The following PTPRG variants were observed in gnomAD, a reference collection of about 807,000 sequenced individuals.
PTPRG encodes protein tyrosine phosphatase receptor type G, also known as receptor-type tyrosine-protein phosphatase gamma.
A neutral mutation model predicts 165.3 loss-of-function variants in PTPRG; 102 were observed. The ratio of observed to expected loss-of-function variants is 0.62; its 90% CI spans 0.53 to 0.73. The LOEUF (loss-of-function observed/expected upper bound fraction) is 0.73. PTPRG is among the 30% of genes least tolerant of loss of function. The probability of loss-of-function intolerance (pLI) is 0.00; values close to 1 mark genes in which losing one functional copy is unlikely to be tolerated. For synonymous variants in PTPRG, 675 were observed against 669.5 expected, an observed-to-expected ratio of 1.01 and a Z score of -0.13; for missense variants, 1,866 against 1,861.4, an observed-to-expected ratio of 1.00 and a Z score of -0.05.
At chr3:61,640,029 T>C (rs1343543316) in intron 1 of PTPRG, among the ~76,000 whole-genome samples, 1 of 152,226 alleles carries the variant, frequency 6.6e-6, no homozygotes, top group East Asian at 1.9e-4. Flanking sequence ...TGGAGTGGTA[T>C]ATACCTTTGA....
intron 2 of PTPRG, among the ~76,000 whole-genome samples, chr3:61,820,545 G>C (rs867793231): frequency 1.6e-4 from 23 of 146,526 alleles, no homozygotes; most frequent in African/African-American, 5.8e-4. Flanking sequence ...TTGACACACA[G>C]AAATACCCAT....
intron 5 of PTPRG, among the ~76,000 whole-genome samples, chr3:62,116,935 T>C (rs1402865975): frequency 6.6e-6 from 1 of 152,230 alleles, no homozygotes; most frequent in Non-Finnish European, 1.5e-5. Context: ...CTTGAGGAGC[T>C]AATGCACAGG....
At chr3:61,653,328 T>C (rs1314392348) in intron 1 of PTPRG, among the ~76,000 whole-genome samples, 1 of 152,222 alleles carries the variant, frequency 6.6e-6, no homozygotes, top group African/African-American at 2.4e-5. Context: ...CCCCTTTTTT[T>C]TTCCAGCATG....
chr3:61,925,690 C>A (rs985861908), intron 2 of PTPRG, among the ~76,000 whole-genome samples: 1 of 151,998 alleles, frequency 6.6e-6, no homozygotes, highest in Non-Finnish European at 1.5e-5. Context: ...TTGCAGTGAG[C>A]CAAGACTGTG....
In PTPRG at chr3:61,562,172, C is replaced by A. The variant is rs1006354367; in HGVS notation, c.-116C>A. On this transcript the variant is annotated 5_prime_UTR_variant, in exon 1 of 30. Coordinates refer to ENST00000474889, the MANE Select transcript of PTPRG (RefSeq NM_002841.4). ...CTCGGGCCGCCGAGCGCGGGGGGCC[C>A]GTGGAGCGGGCGAGCCGGGGAAGCG... 134 of 903,370 alleles carry A rather than the reference C, an allele frequency of 1.5e-4. No homozygotes were observed. The highest frequency in any genetic ancestry group is 2.2e-4 in the Non-Finnish European group (123 of 561,320). 56.0% of individuals were successfully genotyped at this position (903,370 alleles called of 1,614,324 possible).
intron 1 of PTPRG, among the ~76,000 whole-genome samples, chr3:61,605,285 T>C (rs2106857470): frequency 6.6e-6 from 1 of 152,334 alleles, no homozygotes; most frequent in African/African-American, 2.4e-5. Context: ...ATACAGAGTC[T>C]TGCTCTGTCA....
rs775603883 is a variant in PTPRG at position 62,154,354 on chromosome 3, G to A, written c.683-2713G>A. 5.9e-5 allele frequency among the ~76,000 whole-genome samples: 9 copies of A among 152,062 alleles called. 1 individual carries two copies. Among genetic ancestry groups the A allele is most frequent in the Admixed American group, 5.2e-4 (8 of 15,274 alleles). ...CCCTTGTACTGGGTCTACCCACCTCGCCACCGATCTGACTGCACGTGCTGA... is the reference window on the plus strand; with the variant it reads ...CCCTTGTACTGGGTCTACCCACCTCACCACCGATCTGACTGCACGTGCTGA... On this transcript the variant is annotated intron_variant, in intron 6 of 29. Coordinates refer to ENST00000474889, the MANE Select transcript of PTPRG (RefSeq NM_002841.4).
At chr3:62,028,351 A>G (rs939281795) in intron 4 of PTPRG, among the ~76,000 whole-genome samples, 1 of 152,196 alleles carries the variant, frequency 6.6e-6, no homozygotes, top group Non-Finnish European at 1.5e-5. Flanking sequence ...TGAATCTGTC[A>G]TATTCTAGGA....
At chr3:62,243,702 G>C (rs1473209880) in intron 14 of PTPRG, 105 bp from the exon 15 acceptor site, 1 of 711,328 alleles carries the variant, frequency 1.4e-6, no homozygotes. Flanking sequence ...CCTCAGTGCT[G>C]TGTGATGTTT....
chr3:61,684,249 T>C (rs1304693658), intron 1 of PTPRG, among the ~76,000 whole-genome samples: 2 of 152,170 alleles, frequency 1.3e-5, no homozygotes, highest in African/African-American at 4.8e-5. Flanking sequence ...TGGTGGGGGA[T>C]CTCACCTTTG....
chr3:62,238,052 A>C (rs1337005235), intron 14 of PTPRG, among the ~76,000 whole-genome samples: 1 of 152,372 alleles, frequency 6.6e-6, no homozygotes, highest in African/African-American at 2.4e-5. Flanking sequence ...GTCAAGCACC[A>C]GAAGCACTTC....
At chr3:61,730,187 C>T (rs1202918720) in intron 1 of PTPRG, among the ~76,000 whole-genome samples, 2 of 152,160 alleles carry the variant, frequency 1.3e-5, no homozygotes, top group Non-Finnish European at 1.5e-5. Context: ...TTGGCAGAAC[C>T]AGGGGCTTGT....
At chr3:61,825,247 G>A (rs990932806) in intron 2 of PTPRG, among the ~76,000 whole-genome samples, 1 of 152,178 alleles carries the variant, frequency 6.6e-6, no homozygotes, top group Non-Finnish European at 1.5e-5. Flanking sequence ...CTAATTAAGG[G>A]AAACCCATTG....
At chr3:62,046,263 G>GTACA (rs1414026794) in intron 4 of PTPRG, among the ~76,000 whole-genome samples, 4 of 152,046 alleles carry the variant, frequency 2.6e-5, no homozygotes, top group Admixed American at 6.6e-5. Context: ...CCCCCAGAGC[G>GTACA]TATCCTTGCA....
chr3:62,044,096 A>C (rs1045937672), intron 4 of PTPRG, among the ~76,000 whole-genome samples: 5 of 152,240 alleles, frequency 3.3e-5, no homozygotes, highest in African/African-American at 1.2e-4. Flanking sequence ...CCTTTCCTGT[A>C]TACTGCCACA....
chr3:62,010,156 C>G (rs747917426), intron 4 of PTPRG, among the ~76,000 whole-genome samples: 4 of 152,124 alleles, frequency 2.6e-5, no homozygotes, highest in Non-Finnish European at 5.9e-5. Context: ...TGATCTCAAG[C>G]AGTCCTCCCT....
chr3:62,282,986 C>A, intron 28 of PTPRG, 117 bp downstream of exon 28: 2 of 886,248 alleles, frequency 2.3e-6, no homozygotes, highest in Non-Finnish European at 3.5e-6. Flanking sequence ...CAGCTTGTGA[C>A]AACTCCATGT....
intron 9 of PTPRG, among the ~76,000 whole-genome samples, chr3:62,193,520 C>T (rs1207143205): frequency 6.6e-6 from 1 of 152,198 alleles, no homozygotes; most frequent in Non-Finnish European, 1.5e-5. Flanking sequence ...TATTCTCTAA[C>T]TCATCATGGT....
intron 1 of PTPRG, among the ~76,000 whole-genome samples, chr3:61,650,053 C>T (rs1702308454): frequency 1.3e-5 from 2 of 152,160 alleles, no homozygotes; most frequent in Admixed American, 1.3e-4. Context: ...TCTCCTTGTC[C>T]TTAATTCTTC....
Sources: gnomAD v4.1 joint callset for allele counts (sites outside exome capture counted in the v4.1 genomes callset) on GRCh38, gnomAD v4.1.1 for gene constraint, MANE v1.5 for transcripts, NCBI Gene and HGNC (gene_info 2026-07-23, HGNC 2026-07-21) for gene names.